The following RAD51B variants were observed in gnomAD, a reference collection of about 807,000 sequenced individuals.
RAD51B encodes the protein RAD51 paralog B.
RAD51B carries 38 observed loss-of-function variants against 42.2 expected under a neutral mutation model. The observed-to-expected ratio is 0.90, with a 90% confidence interval of 0.70 to 1.18. RAD51B has a LOEUF of 1.18. RAD51B is among the 50% of genes most tolerant of loss of function. The probability of loss-of-function intolerance (pLI) is 0.00; values close to 1 mark genes in which losing one functional copy is unlikely to be tolerated. For missense variants in RAD51B, 373 were observed against 400.7 expected, an observed-to-expected ratio of 0.93 and a Z score of 0.59; for synonymous variants, 154 against 145.2, an observed-to-expected ratio of 1.06 and a Z score of -0.43.
In RAD51B at chr14:68,650,735, G is replaced by GTTT. The variant is rs1417934086; in HGVS notation, c.1037-46_1037-45insTTT. 4 of 723,156 alleles carry GTTT rather than the reference G, an allele frequency of 5.5e-6. No individual in the cohort carries two copies. The South Asian group carries it at 5.7e-5, about 10-fold the overall frequency. The allele number at this position is 723,156 out of a possible 1,614,324, so 44.8% of individuals were successfully genotyped here. On this transcript the variant is annotated intron_variant, in intron 10 of 11. Coordinates refer to the RAD51B transcript ENST00000488612. ...AGCCTGGATGAATCCTCTCAAAATAGGAAAAGCTAGGTTCCTTACAACCTA... is the reference window on the plus strand; with the variant it reads ...AGCCTGGATGAATCCTCTCAAAATAGTTTGAAAAGCTAGGTTCCTTACAACCTA...
At chr14:68,060,099 T>C (rs1211684059) in intron 7 of RAD51B, among the ~76,000 whole-genome samples, 1 of 152,164 alleles carries the variant, frequency 6.6e-6, no homozygotes, top group African/African-American at 2.4e-5. Context: ...ACTTTTTAGC[T>C]ATGATTATAT....
intron 10 of RAD51B, among the ~76,000 whole-genome samples, chr14:68,623,767 T>A (rs1892007952): frequency 6.6e-6 from 1 of 152,212 alleles, no homozygotes; most frequent in African/African-American, 2.4e-5. Flanking sequence ...GGTAATAGAA[T>A]ATGATGGATA....
chr14:68,099,049 A>G (rs1368963795), intron 7 of RAD51B, among the ~76,000 whole-genome samples: 1 of 152,156 alleles, frequency 6.6e-6, no homozygotes, highest in Non-Finnish European at 1.5e-5. Context: ...GTTCTTTTTC[A>G]ATATTATGTC....
intron 10 of RAD51B, among the ~76,000 whole-genome samples, chr14:68,635,255 C>T (rs1595039897): frequency 6.6e-6 from 1 of 152,328 alleles, no homozygotes; most frequent in South Asian, 2.1e-4. Context: ...CCATGCACCC[C>T]CAACTTCCTT....
intron 8 of RAD51B, among the ~76,000 whole-genome samples, chr14:68,317,309 A>ATCACATATTT (rs1555391799): frequency 2.6e-5 from 1 of 39,036 alleles, no homozygotes; most frequent in East Asian, 1.5e-3. Flanking sequence ...CTTTGAACAT[A>ATCACATATTT]TTTATTTACG....
chr14:68,344,099 C>T (rs1177322749), intron 8 of RAD51B, among the ~76,000 whole-genome samples: 1 of 152,208 alleles, frequency 6.6e-6, no homozygotes, highest in Admixed American at 6.5e-5. Context: ...TTGAAGCCCC[C>T]CACATAGAGT....
chr14:68,040,330 C>A (rs112631546), intron 7 of RAD51B, among the ~76,000 whole-genome samples: 1 of 152,250 alleles, frequency 6.6e-6, no homozygotes, highest in African/African-American at 2.4e-5. Context: ...ATCATCCTCA[C>A]CATATTTGTT....
At chr14:68,192,480 T>A (rs990439690) in intron 7 of RAD51B, among the ~76,000 whole-genome samples, 2 of 152,234 alleles carry the variant, frequency 1.3e-5, no homozygotes, top group East Asian at 1.9e-4. Context: ...CAGCTGATGA[T>A]AATAGAAACA....
chr14:68,568,319 C>G (rs1889523658), intron 10 of RAD51B, among the ~76,000 whole-genome samples: 2 of 152,104 alleles, frequency 1.3e-5, no homozygotes, highest in South Asian at 4.1e-4. Context: ...GGAGAATATT[C>G]CAGCAAAAAG....
At chr14:68,403,439 A>G (rs984888613) in intron 8 of RAD51B, among the ~76,000 whole-genome samples, 2 of 152,222 alleles carry the variant, frequency 1.3e-5, no homozygotes, top group African/African-American at 4.8e-5. Flanking sequence ...CACAGGAGTC[A>G]TAAATTGAAA....
At chr14:68,454,576 C>T (rs1361649383) in intron 9 of RAD51B, among the ~76,000 whole-genome samples, 5 of 152,166 alleles carry the variant, frequency 3.3e-5, no homozygotes, top group Non-Finnish European at 7.3e-5. Context: ...TGGTAGCAGC[C>T]ACTGGAGAGG....
intron 7 of RAD51B, among the ~76,000 whole-genome samples, chr14:67,917,840 T>G (rs2140128127): frequency 6.6e-6 from 1 of 152,198 alleles, no homozygotes; most frequent in South Asian, 2.1e-4. Flanking sequence ...ATATTGAGTT[T>G]GAGATGTCTG....
intron 7 of RAD51B, among the ~76,000 whole-genome samples, chr14:67,967,029 A>C (rs1430754350): frequency 3.3e-5 from 5 of 152,206 alleles, no homozygotes; most frequent in East Asian, 1.9e-4. Context: ...TTACAGTTCC[A>C]CTTGGCTGGG....
At chr14:68,041,442 A>G (rs1454559040) in intron 7 of RAD51B, among the ~76,000 whole-genome samples, 1 of 152,230 alleles carries the variant, frequency 6.6e-6, no homozygotes, top group Non-Finnish European at 1.5e-5. Flanking sequence ...ATGCTAAGGT[A>G]GAAGATAATA....
At chr14:67,936,515 A>G (rs1347561544) in intron 7 of RAD51B, among the ~76,000 whole-genome samples, 1 of 152,110 alleles carries the variant, frequency 6.6e-6, no homozygotes, top group South Asian at 2.1e-4. Flanking sequence ...CATTTGGTTT[A>G]TTTTCACATT....
At chr14:68,229,167 C>T (rs1171103681) in intron 7 of RAD51B, among the ~76,000 whole-genome samples, 1 of 152,162 alleles carries the variant, frequency 6.6e-6, no homozygotes, top group Non-Finnish European at 1.5e-5. Context: ...CATTTGTAAA[C>T]AAGCTTCTCT....
At chr14:68,469,774 A>T (rs764197057) in intron 10 of RAD51B, among the ~76,000 whole-genome samples, 1 of 152,246 alleles carries the variant, frequency 6.6e-6, no homozygotes, top group Non-Finnish European at 1.5e-5. Context: ...AAGAAATTCT[A>T]TGGAAGATTA....
At chr14:68,149,177 G>A (rs1360381257) in intron 7 of RAD51B, among the ~76,000 whole-genome samples, 1 of 152,134 alleles carries the variant, frequency 6.6e-6, no homozygotes, top group Non-Finnish European at 1.5e-5. Flanking sequence ...TCTTAACAGT[G>A]TCTTTGTCAG....
At chr14:68,092,552 A>G (rs987815166) in intron 7 of RAD51B, among the ~76,000 whole-genome samples, 1 of 152,156 alleles carries the variant, frequency 6.6e-6, no homozygotes, top group African/African-American at 2.4e-5. Context: ...TTGATTTTGT[A>G]TCCTGAGACT....
Sources: allele counts gnomAD v4.1 joint callset (sites outside exome capture counted in the v4.1 genomes callset), GRCh38; gene constraint gnomAD v4.1.1; transcripts MANE v1.5; gene names NCBI Gene and HGNC (gene_info 2026-07-23, HGNC 2026-07-21).